The following RGS6 variants were observed in gnomAD, a reference collection of about 807,000 sequenced individuals.
RGS6 encodes the protein regulator of G protein signaling 6.
Under a neutral mutation model 78.5 loss-of-function variants are expected in RGS6, and 30 were observed. The observed-to-expected ratio is 0.38, with a 90% confidence interval of 0.29 to 0.52. The LOEUF (loss-of-function observed/expected upper bound fraction) is 0.52. Ranked by LOEUF, RGS6 falls within the 20% of genes least tolerant of loss-of-function variation. The pLI is 0.85. For synonymous variants in RGS6, 206 were observed against 206.0 expected, an observed-to-expected ratio of 1.00 and a Z score of 0.00; for missense variants, 495 against 609.7, an observed-to-expected ratio of 0.81 and a Z score of 1.98.
chr14:72,551,620 G>C (rs974459745), intron 17 of RGS6, among the ~76,000 whole-genome samples: 1 of 152,158 alleles, frequency 6.6e-6, no homozygotes, highest in Admixed American at 6.6e-5. Context: ...AGCTAAGTTC[G>C]AGACAGGCAA....
intron 3 of RGS6, among the ~76,000 whole-genome samples, chr14:72,452,435 G>A (rs190949985): frequency 1.1e-3 from 165 of 152,308 alleles, no homozygotes; most frequent in African/African-American, 3.9e-3. Context: ...GGATGGCCCT[G>A]GGGGTCCCAC....
rs559603146 is a variant in RGS6, at chr14:71,959,079, G to A, written c.-20-5693G>A. ...TATTGCCGTACTTTAAGATCTTGGT[G>A]CATTACCTGAAACGGACACTCTGTC... On this transcript the variant is annotated intron_variant, in intron 1 of 17. Coordinates refer to ENST00000553525, the MANE Select transcript of RGS6 (RefSeq NM_001204424.2). Among the ~76,000 whole-genome samples, 60 of 152,250 alleles carry A rather than the reference G, an allele frequency of 3.9e-4. 1 individual carries two copies. The highest frequency in any genetic ancestry group is 1.4e-3 in the African/African-American group (57 of 41,544).
chr14:72,431,406 G>C (rs543802375), intron 3 of RGS6, among the ~76,000 whole-genome samples: 70 of 152,276 alleles, frequency 4.6e-4, no homozygotes, highest in African/African-American at 1.6e-3. Flanking sequence ...AGGCTGGAAT[G>C]CAGTGGTGCG....
At chr14:72,137,210 T>A (rs2096457758) in intron 2 of RGS6, among the ~76,000 whole-genome samples, 1 of 152,180 alleles carries the variant, frequency 6.6e-6, no homozygotes, top group Admixed American at 6.5e-5. Flanking sequence ...TTTTCCACAT[T>A]GACATTTGTG....
At chr14:72,046,946 CT>C (rs2092895226) in intron 2 of RGS6, among the ~76,000 whole-genome samples, 2 of 152,184 alleles carry the variant, frequency 1.3e-5, no homozygotes, top group Non-Finnish European at 2.9e-5. Context: ...ATAATAACAC[CT>C]TTATTTACCT....
chr14:72,472,652 C>T (rs2153324124), intron 8 of RGS6, among the ~76,000 whole-genome samples: 1 of 152,282 alleles, frequency 6.6e-6, no homozygotes, highest in South Asian at 2.1e-4. Context: ...TGTAATCTAG[C>T]CTAAAACAAG....
intron 2 of RGS6, among the ~76,000 whole-genome samples, chr14:72,088,053 G>A (rs934590602): frequency 6.6e-6 from 1 of 152,132 alleles, no homozygotes; most frequent in African/African-American, 2.4e-5. Context: ...TTTGCGCTTT[G>A]GGCTGAGCAA....
chr14:72,611,795 C>A, the RGS6 span, among the ~76,000 whole-genome samples: 2 of 152,122 alleles, frequency 1.3e-5, no homozygotes, highest in African/African-American at 4.8e-5. Flanking sequence ...TTCCCCCGAC[C>A]CCTCAGCCTC....
intron 2 of RGS6, among the ~76,000 whole-genome samples, chr14:72,118,432 C>T (rs2095961628): frequency 6.6e-6 from 1 of 152,182 alleles, no homozygotes; most frequent in Non-Finnish European, 1.5e-5. Flanking sequence ...ATTACACAAG[C>T]ATGACCATTC....
intron 2 of RGS6, among the ~76,000 whole-genome samples, chr14:72,158,508 G>A (rs1281338219): frequency 6.6e-6 from 1 of 152,086 alleles, no homozygotes; most frequent in Non-Finnish European, 1.5e-5. Context: ...TCTTTTGGGG[G>A]CTTTACACTT....
chr14:72,472,149 T>A, intron 8 of RGS6, among the ~76,000 whole-genome samples: 3 of 138,274 alleles, frequency 2.2e-5, no homozygotes, highest in Non-Finnish European at 1.6e-5. Flanking sequence ...TGAAATAAAA[T>A]GAAGTAATAC....
At chr14:72,079,927 A>T (rs1186521562) in intron 2 of RGS6, among the ~76,000 whole-genome samples, 1 of 151,808 alleles carries the variant, frequency 6.6e-6, no homozygotes, top group African/African-American at 2.4e-5. Flanking sequence ...TCCTTTACCC[A>T]TTTGTTTGTT....
At chr14:72,046,666 T>C (rs2092870419) in intron 2 of RGS6, among the ~76,000 whole-genome samples, 1 of 150,968 alleles carries the variant, frequency 6.6e-6, no homozygotes, top group Non-Finnish European at 1.5e-5. Flanking sequence ...CCTCCTCCTC[T>C]GCTTATTCCT....
intron 2 of RGS6, among the ~76,000 whole-genome samples, chr14:72,277,773 C>T (rs1339915823): frequency 1.3e-5 from 2 of 151,774 alleles, no homozygotes; most frequent in Admixed American, 1.3e-4. Flanking sequence ...ACCAAAAATA[C>T]AAAAATTAGC....
intron 2 of RGS6, among the ~76,000 whole-genome samples, chr14:72,255,575 T>G (rs1318857654): frequency 6.6e-6 from 1 of 152,184 alleles, no homozygotes; most frequent in Non-Finnish European, 1.5e-5. Context: ...TTCCCAGAGA[T>G]GGACTGAGAT....
At chr14:72,142,015 G>C (rs995074550) in intron 2 of RGS6, among the ~76,000 whole-genome samples, 7 of 152,012 alleles carry the variant, frequency 4.6e-5, no homozygotes, top group African/African-American at 1.7e-4. Context: ...GAGGCTTACT[G>C]TTTACCTCCT....
intron 2 of RGS6, among the ~76,000 whole-genome samples, chr14:72,286,521 T>TA (rs1006985188): frequency 2.4e-4 from 29 of 121,958 alleles, no homozygotes; most frequent in Middle Eastern, 4.3e-3. Flanking sequence ...AGAATTTTAG[T>TA]ATTTTTTTTT....
At chr14:72,129,350 G>A (rs2096268349) in intron 2 of RGS6, among the ~76,000 whole-genome samples, 1 of 152,134 alleles carries the variant, frequency 6.6e-6, no homozygotes, top group Admixed American at 6.5e-5. Context: ...CCAAAGTAAG[G>A]TTCAATAAAT....
intron 2 of RGS6, among the ~76,000 whole-genome samples, chr14:72,073,047 G>A (rs1008194284): frequency 1.3e-5 from 2 of 152,158 alleles, no homozygotes; most frequent in South Asian, 4.1e-4. Context: ...TTGATTATGT[G>A]CGTGCCACAT....
Sources: allele counts gnomAD v4.1 joint callset (sites outside exome capture counted in the v4.1 genomes callset), GRCh38; gene constraint gnomAD v4.1.1; transcripts MANE v1.5; gene names NCBI Gene and HGNC (gene_info 2026-07-23, HGNC 2026-07-21).